Variants in TSPAN7 observed in about 807,000 individuals in gnomAD.
TSPAN7 encodes tetraspanin-7.
Under a neutral mutation model 17.6 loss-of-function variants are expected in TSPAN7, and 1 was observed. The ratio of observed to expected loss-of-function variants is 0.06; its 90% CI spans 0.02 to 0.27. The LOEUF (loss-of-function observed/expected upper bound fraction) is 0.27, where lower values mean the gene tolerates loss of function less well. TSPAN7 is among the 10% of genes least tolerant of loss of function. TSPAN7 has a pLI of 1.00. For synonymous variants in TSPAN7, 78 were observed against 79.0 expected (o/e 0.99, Z 0.07); for missense variants, 112 against 201.7 (o/e 0.56, Z 2.69).
At chrX:38,623,407 C>T (rs748378590) in intron 1 of TSPAN7, among the ~76,000 whole-genome samples, 172 of 109,915 alleles carry the variant, frequency 1.6e-3, no homozygotes, top group African/African-American at 5.3e-3. Context: ...TTCTCTTCAC[C>T]TGGCTTCCAA....
intron 1 of TSPAN7, among the ~76,000 whole-genome samples, chrX:38,579,562 C>T (rs192058791): frequency 3.6e-5 from 4 of 110,909 alleles, no homozygotes; most frequent in East Asian, 2.8e-4. Context: ...GGTGACAGAG[C>T]GAGACTGTGT....
chrX:38,585,487 A>T (rs1204210325), intron 1 of TSPAN7, among the ~76,000 whole-genome samples: 1 of 112,126 alleles, frequency 8.9e-6, no homozygotes, highest in Non-Finnish European at 1.9e-5. Flanking sequence ...TTTGATTAAT[A>T]AATTACATTT....
At chrX:38,642,431 T>A (rs2069618103) in intron 1 of TSPAN7, among the ~76,000 whole-genome samples, 1 of 112,060 alleles carries the variant, frequency 8.9e-6, no homozygotes, top group Non-Finnish European at 1.9e-5. Context: ...GTCTCTACTC[T>A]CCAAGAGTTT....
intron 1 of TSPAN7, among the ~76,000 whole-genome samples, chrX:38,635,074 T>A (rs779742961): frequency 9.0e-6 from 1 of 111,205 alleles, no homozygotes; most frequent in African/African-American, 3.3e-5. Flanking sequence ...GGCAGTGAAC[T>A]TGAATACCTG....
At chrX:38,568,250 G>A (rs1335833984) in intron 1 of TSPAN7, among the ~76,000 whole-genome samples, 2 of 107,896 alleles carry the variant, frequency 1.9e-5, no homozygotes, top group South Asian at 4.0e-4. Context: ...CTCCTTTTAC[G>A]TTGGATCCTC....
At chrX:38,612,592 T>C (rs2069426298) in intron 1 of TSPAN7, 1 of 111,700 alleles carries the variant, frequency 9.0e-6, no homozygotes, top group Admixed American at 9.5e-5. Flanking sequence ...CTTCTTTTCT[T>C]TTTATATCTT....
chrX:38,617,069 C>T (rs2069459680), intron 1 of TSPAN7, among the ~76,000 whole-genome samples: 1 of 111,692 alleles, frequency 9.0e-6, no homozygotes, highest in Admixed American at 9.5e-5. Flanking sequence ...CACTGCGGCT[C>T]AAAAGCAGCC....
intron 1 of TSPAN7, among the ~76,000 whole-genome samples, chrX:38,655,067 G>T (rs1312067827): frequency 1.8e-5 from 2 of 112,016 alleles, no homozygotes; most frequent in African/African-American, 3.3e-5. Flanking sequence ...GGTCAAGTAG[G>T]ACCTTGCAGG....
intron 1 of TSPAN7, among the ~76,000 whole-genome samples, chrX:38,637,051 A>G (rs2069585164): frequency 1.8e-5 from 2 of 112,051 alleles, no homozygotes; most frequent in Non-Finnish European, 3.8e-5. Flanking sequence ...GCACACGACT[A>G]TGTAAGAAAT....
At chrX:38,608,971 G>T (rs986397620) in intron 1 of TSPAN7, among the ~76,000 whole-genome samples, 2 of 111,691 alleles carry the variant, frequency 1.8e-5, no homozygotes, top group Non-Finnish European at 3.8e-5. Flanking sequence ...TTGCTATTAA[G>T]CAATGTTATG....
intron 1 of TSPAN7, among the ~76,000 whole-genome samples, chrX:38,599,637 A>T (rs984240548): frequency 6.3e-5 from 7 of 111,321 alleles, no homozygotes; most frequent in Non-Finnish European, 1.3e-4. Flanking sequence ...ATGAATTGCA[A>T]TCAGGTTTAA....
chrX:38,570,553 C>T (rs2069164324), intron 1 of TSPAN7: 1 of 111,813 alleles, frequency 8.9e-6, no homozygotes, highest in Non-Finnish European at 1.9e-5. Context: ...TAAGTAAGTA[C>T]CTCAGAAGGT....
chrX:38,607,551 G>A (rs977689713), intron 1 of TSPAN7, among the ~76,000 whole-genome samples: 3 of 111,361 alleles, frequency 2.7e-5, no homozygotes. Context: ...GTGGACTTGT[G>A]GTGGGACTGG....
intron 1 of TSPAN7, among the ~76,000 whole-genome samples, chrX:38,599,115 A>T (rs188127680): frequency 2.7e-5 from 3 of 111,551 alleles, no homozygotes; most frequent in Non-Finnish European, 5.7e-5. Context: ...CATGACAGGA[A>T]TATATCAAAG....
At chrX:38,604,977 G>A (rs2069369842) in intron 1 of TSPAN7, among the ~76,000 whole-genome samples, 1 of 111,322 alleles carries the variant, frequency 9.0e-6, no homozygotes, top group Non-Finnish European at 1.9e-5. Flanking sequence ...AAAACTGGAT[G>A]CATTCCCTTT....
chrX:38,562,069 C>T (rs190719677), intron 1 of TSPAN7, among the ~76,000 whole-genome samples: 3,009 of 111,218 alleles, frequency 0.027, 117 homozygotes, highest in African/African-American at 0.092. Flanking sequence ...GACACGGGAG[C>T]GTGGGGTTTA....
chrX:38,638,409 A>G (rs1308615285), intron 1 of TSPAN7, among the ~76,000 whole-genome samples: 1 of 112,469 alleles, frequency 8.9e-6, no homozygotes, highest in African/African-American at 3.2e-5. Context: ...ACAATGGAGT[A>G]GAAAATAGAA....
chrX:38,641,805 A>G (rs372769166), intron 1 of TSPAN7, among the ~76,000 whole-genome samples: 2 of 111,628 alleles, frequency 1.8e-5, no homozygotes, highest in Admixed American at 1.9e-4. Context: ...TGAAAGAGAG[A>G]GTAAATAGGT....
chrX:38,569,368 A>C (rs922781670), intron 1 of TSPAN7, among the ~76,000 whole-genome samples: 52 of 109,384 alleles, frequency 4.8e-4, no homozygotes, highest in African/African-American at 1.6e-3. Context: ...TCCTGTTTCC[A>C]GTGTAGAATC....
Sources: allele counts gnomAD v4.1 joint callset (sites outside exome capture counted in the v4.1 genomes callset), GRCh38; gene constraint gnomAD v4.1.1; transcripts MANE v1.5; gene names NCBI Gene and HGNC (gene_info 2026-07-23, HGNC 2026-07-21).